Variants in RRM1 observed in about 807,000 individuals in gnomAD.
RRM1 encodes the protein ribonucleotide reductase catalytic subunit M1.
A neutral mutation model predicts 101.5 loss-of-function variants in RRM1; 19 were observed. The ratio of observed to expected loss-of-function variants is 0.19; its 90% CI spans 0.13 to 0.27. The LOEUF (loss-of-function observed/expected upper bound fraction) is 0.27. Among genes scored for constraint, RRM1 ranks in the 10% least tolerant of loss-of-function variants. RRM1 has a pLI of 1.00. For synonymous variants in RRM1, 298 were observed against 323.4 expected, an observed-to-expected ratio of 0.92 and a Z score of 0.84; for missense variants, 500 against 962.9, an observed-to-expected ratio of 0.52 and a Z score of 6.36.
At chr11:4,135,357 A>C (rs2094607650) in intron 18 of RRM1, 87 bp downstream of exon 18, 1 of 1,019,110 alleles carries the variant, frequency 9.8e-7, no homozygotes, top group Admixed American at 2.6e-5. Flanking sequence ...CACCTATTAA[A>C]TATTATCACC....
chr11:4,123,316 C>G lies in RRM1; in HGVS notation c.1252C>G (p.Gln418Glu). Residue 418 changes from glutamine (Q) to glutamate (E), a missense_variant, in exon 12 of 19, where the codon CAG (glutamine) becomes GAG (glutamate). Gln to Glu is a conservative substitution (Grantham distance 29, BLOSUM62 2). This residue lies in a region of RRM1 where 80 missense variants were observed against 170.9 expected (regional missense o/e 0.47). Transcript: ENST00000300738. ...TTCCTGTAATCGAAAGAGCAACCAGCAGAACCTGGGAACCATCAAATGCAG... is the reference window on the plus strand; with the variant it reads ...TTCCTGTAATCGAAAGAGCAACCAGGAGAACCTGGGAACCATCAAATGCAG... Reference protein sequence around the residue: ...KDSCNRKSNQQNLGTIKCSNL... With the variant: ...KDSCNRKSNQENLGTIKCSNL... 6.2e-7 allele frequency: 1 copy of G among 1,614,102 alleles called. No homozygotes were observed. The highest frequency in any genetic ancestry group is 2.2e-5 in the East Asian group (1 of 44,878).
chr11:4,125,271 C>G (rs1565187628), intron 12 of RRM1, among the ~76,000 whole-genome samples: 1 of 152,110 alleles, frequency 6.6e-6, no homozygotes. Context: ...CAGTCACTCC[C>G]TGTTCCCTTC....
Position 4,118,386 on chromosome 11 carries a change from A to G in RRM1, c.717A>G (p.Ala239=), listed in dbSNP as rs1399639589. Residue 239 remains alanine (A), a synonymous_variant, in exon 8 of 19, where the codon GCA becomes GCG. Coordinates refer to ENST00000300738, the MANE Select transcript of RRM1 (RefSeq NM_001033.5). The stretch of plus-strand genomic sequence containing the variant: ...TTTATGACACTCTAAAGCAATGTGC[A>G]TTGATTTCTAAGTCTGCTGGAGGAA... The part of the protein sequence containing the change: ...EGIYDTLKQC[A]LISKSAGGIG... The G allele has an allele frequency of 4.3e-6, 7 of 1,613,972 alleles. No homozygotes were observed. The highest frequency in any genetic ancestry group is 5.9e-6 in the Non-Finnish European group (7 of 1,179,988).
intron 9 of RRM1, among the ~76,000 whole-genome samples, chr11:4,120,629 G>A (rs1197654086): frequency 7.9e-5 from 12 of 152,186 alleles, no homozygotes; most frequent in Admixed American, 7.9e-4. Context: ...GCCTCCCAAA[G>A]TGTTGGGATT....
At chr11:4,110,727 G>C (rs899273795) in intron 5 of RRM1, among the ~76,000 whole-genome samples, 1 of 146,830 alleles carries the variant, frequency 6.8e-6, no homozygotes, top group Non-Finnish European at 1.5e-5. Flanking sequence ...CAAGATCGTG[G>C]CACTGCACTC....
At chr11:4,094,785 G>A, upstream of RRM1, 1 of 589,122 alleles carries the variant, frequency 1.7e-6, no homozygotes. Context: ...AACGTCATTC[G>A]AACCCCGTCG....
chr11:4,107,720 TG>T, intron 4 of RRM1, 185 bp downstream of exon 4: 1 of 581,186 alleles, frequency 1.7e-6, no homozygotes, highest in Non-Finnish European at 3.0e-6. Flanking sequence ...AGAGCTATTT[TG>T]TACATACGTG....
chr11:4,101,506 G>T (rs530467021), intron 1 of RRM1, among the ~76,000 whole-genome samples: 56 of 139,448 alleles, frequency 4.0e-4, no homozygotes, highest in African/African-American at 1.4e-3. Flanking sequence ...TAGAGACGGG[G>T]TTTCACCATA....
chr11:4,111,410 CAAA>C (rs1165163692), intron 5 of RRM1, among the ~76,000 whole-genome samples, 188 bp from the exon 6 acceptor site: 3 of 73,752 alleles, frequency 4.1e-5, no homozygotes, highest in Admixed American at 1.6e-4. Flanking sequence ...GACTCTGTCT[CAAA>C]AAAAAAAAAA....
chr11:4,121,495 A>G (rs1048124533), intron 9 of RRM1, 109 bp from the exon 10 acceptor site: 1 of 624,664 alleles, frequency 1.6e-6, no homozygotes, highest in Non-Finnish European at 2.5e-6. Flanking sequence ...ATGTTATTTA[A>G]TTCATTGTAG....
chr11:4,111,502 C>A, intron 5 of RRM1, 99 bp from the exon 6 acceptor site: 4 of 646,274 alleles, frequency 6.2e-6, no homozygotes, highest in South Asian at 6.0e-5. Flanking sequence ...TTTATAGAAA[C>A]GGCGAAGATT....
intron 12 of RRM1, 69 bp from the exon 13 acceptor site, chr11:4,126,612 CATG>C: frequency 7.1e-7 from 1 of 1,402,124 alleles, no homozygotes; most frequent in East Asian, 2.3e-5. Context: ...TAGAGGCTCA[CATG>C]GTGGTGTAAT....
rs1437416392 is a variant in RRM1, at chr11:4,135,189, T to C, written c.2109T>C (p.Asp703=). The C allele has an allele frequency of 6.2e-7, 1 of 1,613,842 alleles. No homozygotes were observed. The highest frequency in any genetic ancestry group is 1.7e-5 in the Admixed American group (1 of 60,004). Residue 703 remains aspartate, a synonymous_variant, in exon 18 of 19, where the codon GAT becomes GAC. Coordinates refer to ENST00000300738, the MANE Select transcript of RRM1 (RefSeq NM_001033.5). ...CAGCTGAGAGAGGTGCTTTCATTGA[T>C]CAAAGCCAATCTTTGAACATCCACA... is the stretch of plus-strand genomic sequence containing the variant. The part of the protein sequence containing the change: ...KMAAERGAFI[D]QSQSLNIHIA...
intron 15 of RRM1, among the ~76,000 whole-genome samples, chr11:4,130,225 A>C (rs542143462): frequency 6.6e-6 from 1 of 151,842 alleles, no homozygotes; most frequent in South Asian, 2.1e-4. Flanking sequence ...AATAGAAAGT[A>C]AAAGCCCTTC....
chr11:4,125,497 GA>G (rs1056384071), intron 12 of RRM1, among the ~76,000 whole-genome samples: 2 of 152,120 alleles, frequency 1.3e-5, no homozygotes, highest in African/African-American at 4.8e-5. Context: ...TACACAACTG[GA>G]TAACCCACCT....
intron 7 of RRM1, among the ~76,000 whole-genome samples, chr11:4,113,685 A>G (rs532044266): frequency 1.3e-5 from 2 of 152,340 alleles, no homozygotes; most frequent in Admixed American, 6.5e-5. Flanking sequence ...ATAGCCTACT[A>G]CACACATAGG....
At chr11:4,102,186 G>A in intron 2 of RRM1, 105 bp downstream of exon 2, 1 of 673,478 alleles carries the variant, frequency 1.5e-6, no homozygotes, top group Non-Finnish European at 2.6e-6. Context: ...TGGTATTCTG[G>A]CTATGCCCTT....
Position 4,101,560 on chromosome 11 carries a change from C to CCCCG in RRM1, c.20-430_20-429insGCCC, listed in dbSNP as rs1281347592. Among the ~76,000 whole-genome samples the CCCCG allele has an allele frequency of 1.0e-4, 5 of 48,226 alleles. 2 individuals are homozygous for CCCCG. In the East Asian group the frequency reaches 4.2e-3, roughly 41 times the overall value. 31.6% of individuals were successfully genotyped at this position (48,226 alleles called of 152,430 possible). A position where few individuals can be genotyped will look rare whatever the true frequency, so the allele number is the denominator to read the frequency against. On this transcript the variant is annotated intron_variant, in intron 1 of 18. Transcript: ENST00000300738. ...AACTCCTGACCTCCAGTGATCCACA[C>CCCCG]CCCCCCCCGCTCCCTTGGCCTCCCA...
chr11:4,109,497 CTTCTA>C (rs2094562600), intron 4 of RRM1, 142 bp from the exon 5 acceptor site: 2 of 449,696 alleles, frequency 4.4e-6, no homozygotes, highest in African/African-American at 2.0e-5. Flanking sequence ...GTTAGATGGA[CTTCTA>C]TTCTACAGTA....
Sources: gnomAD v4.1 joint callset for allele counts (sites outside exome capture counted in the v4.1 genomes callset) on GRCh38, gnomAD v4.1.1 for gene constraint, gnomAD v4.1.1 regional missense constraint, MANE v1.5 for transcripts, NCBI Gene and HGNC (gene_info 2026-07-23, HGNC 2026-07-21) for gene names.